KDM5A: variants seen among roughly 807,000 people sequenced by gnomAD.
KDM5A encodes the protein lysine-specific demethylase 5A.
KDM5A carries 42 observed loss-of-function variants against 193.5 expected under a neutral mutation model. That is an observed-to-expected ratio of 0.22 (90% CI 0.17 to 0.28). The LOEUF (loss-of-function observed/expected upper bound fraction) is 0.28, where lower values mean the gene tolerates loss of function less well. KDM5A is among the 10% of genes least tolerant of loss of function. The pLI, the probability that KDM5A is intolerant of heterozygous loss-of-function variation, is 1.00. For synonymous variants in KDM5A, 796 were observed against 718.1 expected (o/e 1.11, Z -1.73); for missense variants, 1,692 against 2,055.1 (o/e 0.82, Z 3.42).
Position 321,052 on chromosome 12 carries a change from G to A in KDM5A, c.2484C>T (p.Ala828=). Residue 828 remains alanine (A), a synonymous_variant, in exon 18 of 28, where the codon GCC becomes GCT. Coordinates refer to ENST00000399788, the MANE Select transcript of KDM5A (RefSeq NM_001042603.3). The part of the protein sequence containing the change: ...RTKLTVEELK[A]FVQQLFSLPC... ...GAAGACTAAAAAGTTGTTGGACAAA[G>A]GCCTTCAATTCTTCCACTGTCAGTT... 2 of 1,614,146 alleles carry A rather than the reference G, an allele frequency of 1.2e-6. No individual in the cohort carries two copies. Among genetic ancestry groups the A allele is most frequent in the Non-Finnish European group, 1.7e-6 (2 of 1,180,004 alleles).
intron 27 of KDM5A, among the ~76,000 whole-genome samples, chr12:288,152 T>C (rs1943244235): frequency 6.6e-6 from 1 of 152,198 alleles, no homozygotes; most frequent in Non-Finnish European, 1.5e-5. Flanking sequence ...TCTACTTTTG[T>C]GTGAAAGGCC....
rs566678209 is a variant in KDM5A at position 374,833 on chromosome 12, A to G, written c.367-8729T>C. On this transcript the variant is annotated intron_variant, in intron 3 of 27. Coordinates refer to ENST00000399788, the MANE Select transcript of KDM5A (RefSeq NM_001042603.3). The stretch of plus-strand genomic sequence containing the variant: ...GATTATATTTCTCCTTCACTTATGA[A>G]GCTTAGTTTGGCTGGATATGAAATT... Among the ~76,000 whole-genome samples, 7 of 152,100 alleles carry G rather than the reference A, an allele frequency of 4.6e-5. No individual in the cohort carries two copies. In the South Asian group the frequency reaches 1.2e-3, roughly 27 times the overall value.
chr12:372,626 A>G (rs1216997415), intron 3 of KDM5A, among the ~76,000 whole-genome samples: 1 of 152,118 alleles, frequency 6.6e-6, no homozygotes, highest in Non-Finnish European at 1.5e-5. Context: ...TTCCAACACT[A>G]TGTTGAATAG....
chr12:312,470 G>A (rs1467672440), intron 20 of KDM5A, among the ~76,000 whole-genome samples: 1 of 151,994 alleles, frequency 6.6e-6, no homozygotes, highest in African/African-American at 2.4e-5. Context: ...GAATACAGTA[G>A]GTAACAAATT....
intron 1 of KDM5A, chr12:388,177 C>A: frequency 2.5e-6 from 1 of 403,358 alleles, no homozygotes. Flanking sequence ...AGTAATCACT[C>A]AACCTCTTGG....
chr12:373,090 G>T (rs536731670), intron 3 of KDM5A, among the ~76,000 whole-genome samples: 1 of 152,264 alleles, frequency 6.6e-6, no homozygotes, highest in African/African-American at 2.4e-5. Context: ...TTGGTATCAG[G>T]ATGATGCTGG....
In KDM5A at chr12:285,313, G is replaced by A. The variant is rs1237247515; in HGVS notation, c.*143C>T. On this transcript the variant is annotated 3_prime_UTR_variant, in exon 28 of 28. Transcript: ENST00000399788. ...GTAACCCACAGAGTCCATGCAAAGA[G>A]GAAGCCAGCACTAAGGGGACTTTCT... The A allele has an allele frequency of 1.4e-5, 10 of 692,532 alleles. No homozygotes were observed. The highest frequency in any genetic ancestry group is 2.0e-5 in the Non-Finnish European group (8 of 393,426). 42.9% of individuals were successfully genotyped at this position (692,532 alleles called of 1,614,324 possible). A position where few individuals can be genotyped will look rare whatever the true frequency, so the allele number is the denominator to read the frequency against.
intron 13 of KDM5A, among the ~76,000 whole-genome samples, chr12:331,060 T>C (rs557496608): frequency 6.6e-6 from 1 of 151,422 alleles, no homozygotes; most frequent in Non-Finnish European, 1.5e-5. Flanking sequence ...GATCTCAATA[T>C]TATACTCTTT....
At position 355,231 on chromosome 12, in the gene KDM5A, C is replaced by T. The variant is rs746045026; in HGVS notation, c.797G>A (p.Arg266Gln). ...TGCGTCTGACCTGTTGGTAACTTTT[C>T]GTCTTCGGGTGACCTCATCTTGAAA... The part of the protein sequence containing the change: ...KDKEDEVTRR[R>Q]KVTNRSDAFN... Residue 266 changes from arginine to glutamine, a missense_variant, in exon 7 of 28, where the codon CGA becomes CAA. Transcript: ENST00000399788. 28 of 1,609,400 alleles carry T rather than the reference C, an allele frequency of 1.7e-5. No homozygotes were observed. Among genetic ancestry groups the T allele is most frequent in the African/African-American group, 2.7e-5 (2 of 74,842 alleles).
At position 323,206 on chromosome 12, in the gene KDM5A, T is replaced by C. The variant is rs1373458048; in HGVS notation, c.2151A>G (p.Arg717=). The C allele has an allele frequency of 8.7e-6, 2 of 229,976 alleles. No individual in the cohort carries two copies. Among genetic ancestry groups the C allele is most frequent in the Non-Finnish European group, 1.5e-5 (2 of 134,104 alleles). The allele number at this position is 229,976 out of a possible 1,614,324, so 14.2% of individuals were successfully genotyped here. A position where few individuals can be genotyped will look rare whatever the true frequency, so the allele number is the denominator to read the frequency against. The part of the protein sequence containing the change: ...CPCPMQKKCL[R]YRYPLEDLPS... Reference sequence around the variant, plus strand: ...GGAGGTCTTCTAATGGGTAGCGATATCTACAAAAAAAAAAAAAAAAAAAAA... The same window carrying C: ...GGAGGTCTTCTAATGGGTAGCGATACCTACAAAAAAAAAAAAAAAAAAAAA... The change falls in exon 16 of 28, where the codon AGA becomes AGG. Residue 717 remains arginine, a splice_region_variant and synonymous_variant. Transcript: ENST00000399788.
chr12:316,642 CA>C (rs1324173398), intron 19 of KDM5A, among the ~76,000 whole-genome samples: 1 of 152,140 alleles, frequency 6.6e-6, no homozygotes, highest in African/African-American at 2.4e-5. Flanking sequence ...TTTTACATTC[CA>C]AAGTTATTTA....
At chr12:335,544 T>C (rs1943918223) in intron 10 of KDM5A, among the ~76,000 whole-genome samples, 1 of 152,146 alleles carries the variant, frequency 6.6e-6, no homozygotes, top group Admixed American at 6.6e-5. Context: ...TGTCAGGAAC[T>C]GGCAGGGGTG....
In KDM5A at chr12:307,644, T is replaced by C. The variant is rs1029619301; in HGVS notation, c.3740A>G (p.Gln1247Arg). 12 of 1,614,112 alleles carry C rather than the reference T, an allele frequency of 7.4e-6. No individual in the cohort carries two copies. The African/African-American group carries it at 1.6e-4, about 22-fold the overall frequency. The change falls in exon 23 of 28, where the codon CAG (glutamine) becomes CGG (arginine). Residue 1247 changes from glutamine (Q) to arginine (R), a missense_variant. Gln to Arg is a conservative substitution (Grantham distance 43). Around this residue, in one of 11 missense-constraint regions of KDM5A, gnomAD observed 965 missense variants for 1,061.0 expected, o/e 0.91. Transcript: ENST00000399788. This position sits in a 1 kb window ranked among gnomAD's most constrained non-coding sequence, Gnocchi z 4.3. ...PVRLPEGEAL[Q>R]CLTERAMSWQ... ...ACTCATAGCACGTTCTGTCAAACAC[T>C]GCAGGGCCTCTCCTTCAGGCAACCG...
rs375465074 is a variant in KDM5A, at chr12:340,694, CAAAAAAAAAAAA to C, written c.1309-6284_1309-6273del. On this transcript the variant is annotated intron_variant, in intron 10 of 27. Coordinates refer to ENST00000399788, the MANE Select transcript of KDM5A (RefSeq NM_001042603.3). ...CAGGCAACAGTGCGAGACTCCATCA[CAAAAAAAAAAAA>C]AAAAAAAAAAAAACCATTAGCACAA... 2.3e-4 allele frequency among the ~76,000 whole-genome samples: 12 copies of C among 51,124 alleles called. No homozygotes were observed. In the Admixed American group the frequency reaches 3.1e-3, roughly 13 times the overall value. 33.5% of individuals were successfully genotyped at this position (51,124 alleles called of 152,430 possible).
intron 10 of KDM5A, 82 bp downstream of exon 10, chr12:350,534 TTTAAG>T: frequency 7.7e-7 from 1 of 1,301,152 alleles, no homozygotes; most frequent in Non-Finnish European, 1.1e-6. Context: ...TATTTAATAT[TTTAAG>T]TTAATGTGAT....
At position 323,741 on chromosome 12, in the gene KDM5A, G is replaced by A; in HGVS notation, c.2009C>T (p.Pro670Leu). The change falls in exon 15 of 28, where the codon CCT (proline) becomes CTT (leucine). Residue 670 changes from proline (P) to leucine (L), a missense_variant. Pro to Leu is a moderately conservative substitution (Grantham distance 98). Around this residue, in one of 11 missense-constraint regions of KDM5A, gnomAD observed 88 missense variants for 124.6 expected, o/e 0.71. Transcript: ENST00000399788. The part of the protein sequence containing the change: ...MSEEEVFELV[P>L]DDERQCSACR... Reference sequence around the variant, plus strand: ...TGCTGAACACTGCCGCTCATCATCAGGAACAAGTTCAAACACTTCTTCTTC... The same window carrying A: ...TGCTGAACACTGCCGCTCATCATCAAGAACAAGTTCAAACACTTCTTCTTC... 3 of 1,613,946 alleles carry A rather than the reference G, an allele frequency of 1.9e-6. No homozygotes were observed. The highest frequency in any genetic ancestry group is 2.5e-6 in the Non-Finnish European group (3 of 1,179,914).
intron 10 of KDM5A, among the ~76,000 whole-genome samples, chr12:336,162 C>T (rs1348535522): frequency 6.6e-6 from 1 of 151,084 alleles, no homozygotes; most frequent in Non-Finnish European, 1.5e-5. Flanking sequence ...AATTTGAGAC[C>T]AGCCTGGTCA....
chr12:385,771 A>G (rs142954854), intron 2 of KDM5A, 126 bp downstream of exon 2: 1 of 751,186 alleles, frequency 1.3e-6, no homozygotes, highest in Non-Finnish European at 2.4e-6. Context: ...ACATCAAGTA[A>G]CTATTCCATT....
intron 19 of KDM5A, among the ~76,000 whole-genome samples, chr12:314,634 C>G (rs1216914645): frequency 6.6e-6 from 1 of 152,190 alleles, no homozygotes; most frequent in Non-Finnish European, 1.5e-5. Flanking sequence ...GGAAAGAAGA[C>G]TTCCCAAAAG....
Sources: allele counts gnomAD v4.1 joint callset (sites outside exome capture counted in the v4.1 genomes callset), GRCh38; gene constraint gnomAD v4.1.1; regional missense constraint gnomAD v4.1.1; non-coding constraint Gnocchi (gnomAD v3.1); transcripts MANE v1.5; gene names NCBI Gene and HGNC (gene_info 2026-07-23, HGNC 2026-07-21).